LRMDA: variants seen among roughly 807,000 people sequenced by gnomAD.
LRMDA encodes leucine rich melanocyte differentiation associated.
LRMDA carries 18 observed loss-of-function variants against 29.8 expected under a neutral mutation model. That is an observed-to-expected ratio of 0.60 (90% CI 0.42 to 0.90). LRMDA has a LOEUF of 0.90. Ranked by LOEUF, LRMDA falls within the 40% of genes least tolerant of loss-of-function variation. The probability of loss-of-function intolerance (pLI) is 0.00; values close to 1 mark genes in which losing one functional copy is unlikely to be tolerated. For missense variants in LRMDA, 273 were observed against 273.9 expected (o/e 1.00, Z 0.02); for synonymous variants, 125 against 109.4 (o/e 1.14, Z -0.89).
At chr10:76,395,927 T>A (rs1841778409) in intron 6 of LRMDA, among the ~76,000 whole-genome samples, 3 of 152,274 alleles carry the variant, frequency 2.0e-5, no homozygotes. Flanking sequence ...ATAGTGCTGA[T>A]GACATTTTGT....
chr10:75,957,507 T>C (rs1846683735), intron 2 of LRMDA, among the ~76,000 whole-genome samples: 1 of 152,202 alleles, frequency 6.6e-6, no homozygotes. Context: ...TGCACGGTAT[T>C]GTGAAATCTT....
chr10:76,399,269 C>T (rs1589166129), intron 6 of LRMDA, among the ~76,000 whole-genome samples: 1 of 152,162 alleles, frequency 6.6e-6, no homozygotes, highest in Non-Finnish European at 1.5e-5. Context: ...TGCATCTAGA[C>T]CTCTCTGTCT....
intron 5 of LRMDA, among the ~76,000 whole-genome samples, chr10:76,148,496 G>A (rs112580107): frequency 2.0e-4 from 31 of 152,332 alleles, no homozygotes; most frequent in African/African-American, 7.0e-4. Flanking sequence ...CGAGCCATGT[G>A]TGGGATATAA....
At chr10:76,060,569 G>A (rs911875988) in intron 5 of LRMDA, among the ~76,000 whole-genome samples, 2 of 152,130 alleles carry the variant, frequency 1.3e-5, no homozygotes, top group African/African-American at 4.8e-5. Flanking sequence ...TGACCACTGG[G>A]CCCACACTCT....
chr10:75,610,327 C>T (rs1841011996), intron 2 of LRMDA, among the ~76,000 whole-genome samples: 1 of 151,872 alleles, frequency 6.6e-6, no homozygotes, highest in Non-Finnish European at 1.5e-5. Context: ...CAGACACACA[C>T]CACACCTCCC....
chr10:76,530,397 A>G (rs1843221820), intron 6 of LRMDA, among the ~76,000 whole-genome samples: 1 of 152,202 alleles, frequency 6.6e-6, no homozygotes, highest in Non-Finnish European at 1.5e-5. Context: ...CACTATGCCC[A>G]AGGACTCAGG....
At chr10:75,554,778 T>C (rs1430277831) in intron 2 of LRMDA, among the ~76,000 whole-genome samples, 1 of 152,180 alleles carries the variant, frequency 6.6e-6, no homozygotes, top group East Asian at 1.9e-4. Context: ...TTAACATCTT[T>C]CTTTGAGGCC....
intron 5 of LRMDA, among the ~76,000 whole-genome samples, chr10:76,305,391 T>TTTTTTC (rs1840541453): frequency 6.8e-6 from 1 of 147,762 alleles, no homozygotes; most frequent in South Asian, 2.1e-4. Context: ...TCAAAACATC[T>TTTTTTC]TTTTTCTTTT....
At chr10:75,859,643 A>ACACACC (rs1844888420) in intron 2 of LRMDA, among the ~76,000 whole-genome samples, 1 of 132,764 alleles carries the variant, frequency 7.5e-6, no homozygotes, top group South Asian at 2.2e-4. Flanking sequence ...ACACACACAC[A>ACACACC]CACATACATC....
chr10:75,883,230 A>G (rs986574843), intron 2 of LRMDA: 3 of 152,294 alleles, frequency 2.0e-5, no homozygotes, highest in Non-Finnish European at 4.4e-5. Context: ...TTCAGGTGCT[A>G]TGTTCCTTCC....
chr10:76,333,121 A>G (rs1321682568), intron 6 of LRMDA, among the ~76,000 whole-genome samples: 2 of 152,214 alleles, frequency 1.3e-5, no homozygotes, highest in Non-Finnish European at 2.9e-5. Flanking sequence ...CCAGAAAGAT[A>G]AATGGGTAAA....
At chr10:75,685,959 T>A (rs140825697) in intron 2 of LRMDA, among the ~76,000 whole-genome samples, 1 of 152,310 alleles carries the variant, frequency 6.6e-6, no homozygotes, top group African/African-American at 2.4e-5. Context: ...ACCAGATATA[T>A]GAGGTGGGGC....
chr10:75,648,340 C>T (rs78746315), intron 2 of LRMDA, among the ~76,000 whole-genome samples: 2,189 of 151,972 alleles, frequency 0.014, 59 homozygotes, highest in African/African-American at 0.051. Context: ...GCATGGTGTG[C>T]CTTTCCCTAC....
intron 2 of LRMDA, among the ~76,000 whole-genome samples, chr10:75,914,582 G>C (rs1245272290): frequency 6.6e-6 from 1 of 152,180 alleles, no homozygotes; most frequent in Non-Finnish European, 1.5e-5. Flanking sequence ...ATTTTCTGCT[G>C]TGATAGAAGA....
At position 75,737,081 on chromosome 10, in the gene LRMDA, A is replaced by ACATG. The variant is rs554837290; in HGVS notation, c.131+298594_131+298597dup. The stretch of plus-strand genomic sequence containing the variant: ...CGCACGCACACACACACACACACGC[A>ACATG]CATGCATGCACACACACACATGCAC... On this transcript the variant is annotated intron_variant, in intron 2 of 6. Transcript: ENST00000611255. 7.8e-4 allele frequency among the ~76,000 whole-genome samples: 118 copies of ACATG among 151,292 alleles called. 3 individuals carry two copies. In the South Asian group the frequency reaches 0.025, roughly 32 times the overall value.
intron 2 of LRMDA, among the ~76,000 whole-genome samples, chr10:75,823,307 C>T (rs983087906): frequency 5.9e-5 from 9 of 152,100 alleles, no homozygotes; most frequent in African/African-American, 1.9e-4. Flanking sequence ...AGGACACGAA[C>T]AGACATTTTT....
chr10:76,183,539 C>T (rs1427754089), intron 5 of LRMDA, among the ~76,000 whole-genome samples: 1 of 152,096 alleles, frequency 6.6e-6, no homozygotes, highest in Non-Finnish European at 1.5e-5. Context: ...AAATCAGCTG[C>T]ATACACAGAA....
At chr10:75,981,199 T>C (rs986176038) in intron 2 of LRMDA, among the ~76,000 whole-genome samples, 1 of 152,238 alleles carries the variant, frequency 6.6e-6, no homozygotes, top group Non-Finnish European at 1.5e-5. Context: ...GCTGGCTTGG[T>C]GTGTGTCTGT....
At chr10:76,088,078 C>A (rs1849166710) in intron 5 of LRMDA, among the ~76,000 whole-genome samples, 1 of 152,166 alleles carries the variant, frequency 6.6e-6, no homozygotes, top group Admixed American at 6.5e-5. Context: ...CGTGATTATA[C>A]CACTGCACTC....
Sources: allele counts gnomAD v4.1 joint callset (sites outside exome capture counted in the v4.1 genomes callset), GRCh38; gene constraint gnomAD v4.1.1; transcripts MANE v1.5; gene names NCBI Gene and HGNC (gene_info 2026-07-23, HGNC 2026-07-21).